CCDC148: variants seen among roughly 807,000 people sequenced by gnomAD.
The protein encoded by CCDC148 is coiled-coil domain-containing protein 148.
In CCDC148, 89 loss-of-function variants were observed where a neutral mutation model predicts 85.7. The ratio of observed to expected loss-of-function variants is 1.04; its 90% CI spans 0.87 to 1.24. The LOEUF (loss-of-function observed/expected upper bound fraction) is 1.24. CCDC148 is among the 50% of genes most tolerant of loss of function. The probability of loss-of-function intolerance (pLI) is 0.00; values close to 1 mark genes in which losing one functional copy is unlikely to be tolerated. For missense variants in CCDC148, 692 were observed against 671.7 expected (o/e 1.03, Z -0.33); for synonymous variants, 230 against 213.9 (o/e 1.08, Z -0.66).
At chr2:158,386,846 G>A (rs1685106941) in intron 1 of CCDC148, among the ~76,000 whole-genome samples, 1 of 151,928 alleles carries the variant, frequency 6.6e-6, no homozygotes, top group Non-Finnish European at 1.5e-5. Flanking sequence ...AATTCAATCT[G>A]CATTCACCTT....
intron 3 of CCDC148, among the ~76,000 whole-genome samples, chr2:158,342,608 T>C (rs557071497): frequency 6.6e-6 from 1 of 152,260 alleles, no homozygotes; most frequent in East Asian, 1.9e-4. Context: ...AAGATATGGG[T>C]AATTTTTGAT....
chr2:158,242,137 C>T (rs1688375915), intron 10 of CCDC148, among the ~76,000 whole-genome samples: 2 of 152,140 alleles, frequency 1.3e-5, no homozygotes, highest in Admixed American at 1.3e-4. Context: ...TTCTGCCATT[C>T]TAGAGACATT....
chr2:158,363,582 G>C (rs988130004), intron 1 of CCDC148, among the ~76,000 whole-genome samples: 8 of 152,248 alleles, frequency 5.3e-5, no homozygotes, highest in Middle Eastern at 3.4e-3. Context: ...TATCTCAATA[G>C]ATGCAGAAAA....
At chr2:158,331,990 C>A (rs1693155094) in intron 7 of CCDC148, among the ~76,000 whole-genome samples, 2 of 152,158 alleles carry the variant, frequency 1.3e-5, no homozygotes, top group Non-Finnish European at 2.9e-5. Flanking sequence ...TTAATTGGAG[C>A]ATTTAGCCCA....
chr2:158,262,003 C>G (rs1180497447), intron 9 of CCDC148, among the ~76,000 whole-genome samples: 1 of 152,040 alleles, frequency 6.6e-6, no homozygotes, highest in Non-Finnish European at 1.5e-5. Flanking sequence ...ACCCAGCAAT[C>G]CCATTACTGG....
At chr2:158,192,124 T>C (rs1685450756) in intron 11 of CCDC148, among the ~76,000 whole-genome samples, 1 of 152,080 alleles carries the variant, frequency 6.6e-6, no homozygotes, top group Non-Finnish European at 1.5e-5. Flanking sequence ...AAATAATATG[T>C]AGATCACTGA....
chr2:158,230,416 C>T (rs533783585), intron 10 of CCDC148, among the ~76,000 whole-genome samples: 51 of 152,070 alleles, frequency 3.4e-4, no homozygotes, highest in African/African-American at 1.2e-3. Flanking sequence ...CGTGAAACAC[C>T]CACGGGAAGA....
intron 9 of CCDC148, among the ~76,000 whole-genome samples, chr2:158,266,818 C>A (rs1229631024): frequency 6.6e-6 from 1 of 151,616 alleles, no homozygotes; most frequent in East Asian, 1.9e-4. Flanking sequence ...TTTTATGGCT[C>A]AGTACTAGTA....
intron 11 of CCDC148, among the ~76,000 whole-genome samples, chr2:158,181,641 G>A (rs1276721078): frequency 6.6e-6 from 1 of 152,148 alleles, no homozygotes; most frequent in South Asian, 2.1e-4. Flanking sequence ...AATGCACCAG[G>A]AGGGGAGAGA....
intron 11 of CCDC148, among the ~76,000 whole-genome samples, chr2:158,215,465 G>A (rs747036116): frequency 6.6e-6 from 1 of 151,978 alleles, no homozygotes; most frequent in South Asian, 2.1e-4. Flanking sequence ...TCAGAAGGGA[G>A]TCTTTTCGTA....
intron 1 of CCDC148, among the ~76,000 whole-genome samples, chr2:158,386,303 A>C (rs903516608): frequency 2.0e-5 from 3 of 152,138 alleles, no homozygotes; most frequent in African/African-American, 7.2e-5. Context: ...GTTTTGAAAC[A>C]ACTGGTTTCA....
intron 1 of CCDC148, among the ~76,000 whole-genome samples, chr2:158,370,992 T>G (rs1245687143): frequency 6.6e-6 from 1 of 151,992 alleles, no homozygotes; most frequent in East Asian, 1.9e-4. Context: ...TTAATTTTGA[T>G]TACTACTTTA....
At chr2:158,367,213 T>C (rs1001967759) in intron 1 of CCDC148, among the ~76,000 whole-genome samples, 1 of 152,124 alleles carries the variant, frequency 6.6e-6, no homozygotes, top group Non-Finnish European at 1.5e-5. Context: ...TAATCAAATA[T>C]ACCTTTTTCC....
At chr2:158,374,572 T>C (rs761061470) in intron 1 of CCDC148, among the ~76,000 whole-genome samples, 13 of 151,900 alleles carry the variant, frequency 8.6e-5, no homozygotes, top group African/African-American at 1.7e-4. Flanking sequence ...TAGACCAAAC[T>C]GAAGAGGATG....
chr2:158,183,160 T>C (rs965159688), intron 11 of CCDC148, among the ~76,000 whole-genome samples: 2 of 152,140 alleles, frequency 1.3e-5, no homozygotes, highest in Admixed American at 6.6e-5. Context: ...AGCATCATAT[T>C]GTTCAAAAGC....
chr2:158,276,503 C>G (rs1348937207), intron 9 of CCDC148, among the ~76,000 whole-genome samples: 2 of 151,944 alleles, frequency 1.3e-5, no homozygotes, highest in African/African-American at 2.4e-5. Flanking sequence ...TTGCAGTGAG[C>G]CGAGATCACG....
intron 2 of CCDC148, among the ~76,000 whole-genome samples, chr2:158,345,565 C>G (rs905395998): frequency 6.6e-6 from 1 of 152,056 alleles, no homozygotes; most frequent in Non-Finnish European, 1.5e-5. Context: ...AAAACAAAGG[C>G]AAAGTCATTC....
intron 1 of CCDC148, among the ~76,000 whole-genome samples, chr2:158,392,580 G>A (rs1685359390): frequency 6.6e-6 from 1 of 151,112 alleles, no homozygotes; most frequent in African/African-American, 2.4e-5. Flanking sequence ...AACACTTCTG[G>A]TCCCAAGCAT....
At chr2:158,199,603 A>T (rs1262810287) in intron 11 of CCDC148, among the ~76,000 whole-genome samples, 2 of 152,178 alleles carry the variant, frequency 1.3e-5, no homozygotes, top group Non-Finnish European at 2.9e-5. Flanking sequence ...ATTTTTCTAT[A>T]ACAGACTTTA....
Sources: allele counts gnomAD v4.1 joint callset (sites outside exome capture counted in the v4.1 genomes callset), GRCh38; gene constraint gnomAD v4.1.1; transcripts MANE v1.5; gene names NCBI Gene and HGNC (gene_info 2026-07-23, HGNC 2026-07-21).